Variants in MAF observed in about 807,000 individuals in gnomAD.
MAF encodes the protein MAF bZIP transcription factor, also known as transcription factor Maf.
A neutral mutation model predicts 22.0 loss-of-function variants in MAF; 10 were observed. That is an observed-to-expected ratio of 0.45 (90% CI 0.28 to 0.77). The LOEUF is 0.77. MAF is among the 30% of genes least tolerant of loss of function. The pLI is 0.12. For missense variants in MAF, 544 were observed against 548.4 expected (o/e 0.99, Z 0.08); for synonymous variants, 337 against 255.8 (o/e 1.32, Z -3.03).
chr16:79,301,051 A>C, the MAF span, among the ~76,000 whole-genome samples: 1,334 of 152,202 alleles, frequency 8.8e-3, 21 homozygotes, highest in African/African-American at 0.03. Flanking sequence ...CCCTGAAAAA[A>C]ACACACACAA....
the MAF span, among the ~76,000 whole-genome samples, chr16:79,218,867 G>A: frequency 3.3e-5 from 5 of 152,052 alleles, no homozygotes; most frequent in Non-Finnish European, 7.4e-5. Context: ...TCAATCTCCA[G>A]TTGTAGCACT....
chr16:79,537,424 C>T, the MAF span, among the ~76,000 whole-genome samples: 2,155 of 149,384 alleles, frequency 0.014, 31 homozygotes, highest in Non-Finnish European at 0.019. Context: ...AAAAGGGAGG[C>T]ACTATTGCAA....
At chr16:79,377,299 G>A in the MAF span, among the ~76,000 whole-genome samples, 3 of 152,166 alleles carry the variant, frequency 2.0e-5, no homozygotes, top group Non-Finnish European at 4.4e-5. Context: ...ATTTTTTCAT[G>A]TGTCTTTTGG....
the MAF span, among the ~76,000 whole-genome samples, chr16:79,252,095 T>G: frequency 6.6e-6 from 1 of 152,194 alleles, no homozygotes; most frequent in East Asian, 1.9e-4. Flanking sequence ...AAAGAAACAT[T>G]TGGTCAATGT....
At chr16:79,462,656 G>C in the MAF span, among the ~76,000 whole-genome samples, 13 of 152,132 alleles carry the variant, frequency 8.5e-5, no homozygotes, top group Admixed American at 2.0e-4. Flanking sequence ...CTCACATATA[G>C]ATGTGCACCT....
At chr16:79,404,091 T>C in the MAF span, among the ~76,000 whole-genome samples, 15 of 152,146 alleles carry the variant, frequency 9.9e-5, no homozygotes, top group Admixed American at 9.8e-4. Context: ...TGTTTCCATT[T>C]TTAACCAGAA....
At chr16:79,473,150 C>T in the MAF span, among the ~76,000 whole-genome samples, 10 of 152,054 alleles carry the variant, frequency 6.6e-5, no homozygotes, top group Admixed American at 1.3e-4. Context: ...CCTGGCTCAG[C>T]GTAGGGATAG....
the MAF span, among the ~76,000 whole-genome samples, chr16:79,384,774 A>G: frequency 6.6e-6 from 1 of 152,142 alleles, no homozygotes; most frequent in African/African-American, 2.4e-5. Flanking sequence ...ATAAAATAAA[A>G]TAAAATTAAA....
At chr16:79,496,540 T>C in the MAF span, among the ~76,000 whole-genome samples, 1 of 152,248 alleles carries the variant, frequency 6.6e-6, no homozygotes, top group Non-Finnish European at 1.5e-5. Flanking sequence ...CCCTGAGTCT[T>C]ATTAACAGAG....
the MAF span, among the ~76,000 whole-genome samples, chr16:79,248,168 CT>C: frequency 0.16 from 22,406 of 142,162 alleles, 2,307 homozygotes; most frequent in African/African-American, 0.31. Flanking sequence ...ACTGGAATTA[CT>C]TTTTTTTTTT....
At chr16:79,284,609 C>A in the MAF span, among the ~76,000 whole-genome samples, 6 of 152,182 alleles carry the variant, frequency 3.9e-5, no homozygotes, top group Non-Finnish European at 7.3e-5. Flanking sequence ...ATGATATAAT[C>A]ATCGATAATA....
chr16:79,467,999 A>G, the MAF span, among the ~76,000 whole-genome samples: 1 of 152,126 alleles, frequency 6.6e-6, no homozygotes, highest in Non-Finnish European at 1.5e-5. Flanking sequence ...CATTAACATT[A>G]TTGATTGATC....
chr16:79,459,509 A>G, the MAF span, among the ~76,000 whole-genome samples: 7 of 151,894 alleles, frequency 4.6e-5, no homozygotes. Flanking sequence ...TTCAGAATAC[A>G]TTTTAACATC....
chr16:79,332,642 A>T, the MAF span, among the ~76,000 whole-genome samples: 1 of 152,236 alleles, frequency 6.6e-6, no homozygotes, highest in Non-Finnish European at 1.5e-5. Flanking sequence ...AACATGCTAC[A>T]TGCCAGACAA....
the MAF span, among the ~76,000 whole-genome samples, chr16:79,252,189 T>C: frequency 1.3e-5 from 2 of 152,168 alleles, no homozygotes; most frequent in African/African-American, 4.8e-5. Flanking sequence ...TTGTGGGTCG[T>C]ACGACCCATG....
chr16:79,583,371 A>T (rs1406743206), downstream of MAF, among the ~76,000 whole-genome samples: 1 of 152,182 alleles, frequency 6.6e-6, no homozygotes, highest in African/African-American at 2.4e-5. Context: ...ACTAGAAAAA[A>T]AATATCGATG....
the MAF span, among the ~76,000 whole-genome samples, chr16:79,546,990 A>G: frequency 0.29 from 43,650 of 152,114 alleles, 7,232 homozygotes; most frequent in East Asian, 0.46. Flanking sequence ...GGGTGATGAC[A>G]GAACATTTTA....
At chr16:79,340,297 G>A in the MAF span, among the ~76,000 whole-genome samples, 1 of 151,804 alleles carries the variant, frequency 6.6e-6, no homozygotes, top group Non-Finnish European at 1.5e-5. Flanking sequence ...TCAAAAAGAT[G>A]CCTTGTTATT....
In MAF at chr16:79,594,164, T is replaced by A; in HGVS notation, c.*296A>T. The A allele has an allele frequency of 2.4e-6, 1 of 417,370 alleles. No homozygotes were observed. The highest frequency in any genetic ancestry group is 4.4e-6 in the Non-Finnish European group (1 of 225,886). The allele number at this position is 417,370 out of a possible 1,614,324, so 25.9% of individuals were successfully genotyped here. A position where few individuals can be genotyped will look rare whatever the true frequency, so the allele number is the denominator to read the frequency against. On this transcript the variant is annotated 3_prime_UTR_variant, in exon 2 of 2. Coordinates refer to ENST00000326043, the MANE Select transcript of MAF (RefSeq NM_005360.5). The stretch of plus-strand genomic sequence containing the variant: ...TTTCCATTATATATATGCATATATA[T>A]GTATCTTTGTAATTTCAGTGAATTT...
Sources: gnomAD v4.1 joint callset for allele counts (sites outside exome capture counted in the v4.1 genomes callset) on GRCh38, gnomAD v4.1.1 for gene constraint, MANE v1.5 for transcripts, NCBI Gene and HGNC (gene_info 2026-07-23, HGNC 2026-07-21) for gene names.